Variants in ADAMTSL3 observed in about 807,000 individuals in gnomAD.
ADAMTSL3 encodes ADAMTS-like protein 3.
In ADAMTSL3, 128 loss-of-function variants were observed where a neutral mutation model predicts 201.7. The observed-to-expected ratio is 0.63, with a 90% CI of 0.55 to 0.73. The LOEUF is 0.73. Ranked by LOEUF, ADAMTSL3 falls within the 30% of genes least tolerant of loss-of-function variation. The pLI, the probability that ADAMTSL3 is intolerant of heterozygous loss-of-function variation, is 0.00. For missense variants in ADAMTSL3, 1,990 were observed against 2,119.6 expected (o/e 0.94, Z 1.20); for synonymous variants, 738 against 748.4 (o/e 0.99, Z 0.23).
intron 13 of ADAMTSL3, among the ~76,000 whole-genome samples, chr15:83,896,611 A>T (rs1190119592): frequency 6.6e-6 from 1 of 152,176 alleles, no homozygotes; most frequent in African/African-American, 2.4e-5. Context: ...ATAGGGGGAA[A>T]AAGGGGTGAA....
intron 2 of ADAMTSL3, among the ~76,000 whole-genome samples, chr15:83,669,955 T>C (rs907593103): frequency 3.3e-5 from 5 of 151,778 alleles, no homozygotes; most frequent in African/African-American, 1.2e-4. Context: ...CTTCATGAAA[T>C]AGTTGTTTAT....
At chr15:83,674,555 AT>A (rs934301657) in intron 2 of ADAMTSL3, among the ~76,000 whole-genome samples, 21 of 151,306 alleles carry the variant, frequency 1.4e-4, no homozygotes, top group Admixed American at 4.6e-4. Context: ...CCTCTTTATT[AT>A]TCTTTATCAA....
intron 19 of ADAMTSL3, among the ~76,000 whole-genome samples, chr15:83,946,215 G>C (rs966857706): frequency 2.6e-5 from 4 of 152,232 alleles, no homozygotes; most frequent in Non-Finnish European, 4.4e-5. Context: ...TGGTGTCTTA[G>C]AGTGGAGGCT....
chr15:83,690,366 C>G (rs963267590), intron 2 of ADAMTSL3, among the ~76,000 whole-genome samples: 1 of 152,136 alleles, frequency 6.6e-6, no homozygotes, highest in African/African-American at 2.4e-5. Flanking sequence ...CAACTTCCCC[C>G]ACATTCTGAA....
At position 83,942,918 on chromosome 15, in the gene ADAMTSL3, G is replaced by A. The variant is rs766404624; in HGVS notation, c.2326G>A (p.Gly776Ser). 1 of 1,598,960 alleles carries A rather than the reference G, an allele frequency of 6.3e-7. No homozygotes were observed. Among genetic ancestry groups the A allele is most frequent in the Admixed American group, 1.7e-5 (1 of 59,280 alleles). Residue 776 changes from glycine to serine, a missense_variant, in exon 19 of 30, where the codon GGC becomes AGC. Gly to Ser is a moderately conservative substitution (Grantham distance 56). Coordinates refer to ENST00000286744, the MANE Select transcript of ADAMTSL3 (RefSeq NM_207517.3). ...EEWQQCSRTCGGGTQNRRVTC... is the reference protein window; with the variant it reads ...EEWQQCSRTCSGGTQNRRVTC... ...GTCTTCTTAGTGTTCCAGGACTTGTGGCGGGGGAACTCAGAACAGAAGAGT... is the reference window on the plus strand; with the variant it reads ...GTCTTCTTAGTGTTCCAGGACTTGTAGCGGGGGAACTCAGAACAGAAGAGT...
chr15:83,674,634 T>TATATACACACATATAC lies in ADAMTSL3; in HGVS notation c.69+18814_69+18829dup, dbSNP rs2061369464. 3.3e-5 allele frequency among the ~76,000 whole-genome samples: 5 copies of TATATACACACATATAC among 149,774 alleles called. No individual in the cohort carries two copies. The South Asian group carries it at 1.1e-3, about 32-fold the overall frequency. Reference sequence around the variant, plus strand: ...TTTTGCTTGTCTATATATAAACATATATATACACACATATACATATACACA... The same window carrying TATATACACACATATAC: ...TTTTGCTTGTCTATATATAAACATATATATACACACATATACATATACACACATATACATATACACA... On this transcript the variant is annotated intron_variant, in intron 2 of 29. Coordinates refer to ENST00000286744, the MANE Select transcript of ADAMTSL3 (RefSeq NM_207517.3).
At chr15:83,973,239 C>A (rs2067227619) in intron 20 of ADAMTSL3, among the ~76,000 whole-genome samples, 2 of 152,148 alleles carry the variant, frequency 1.3e-5, no homozygotes, top group Admixed American at 1.3e-4. Flanking sequence ...TCTTGTTCTG[C>A]CTTACCCTCA....
At chr15:83,981,781 T>C (rs2067388589) in intron 20 of ADAMTSL3, among the ~76,000 whole-genome samples, 1 of 152,188 alleles carries the variant, frequency 6.6e-6, no homozygotes, top group African/African-American at 2.4e-5. Context: ...ATTCCCACTC[T>C]CACTTCCTCC....
intron 10 of ADAMTSL3, among the ~76,000 whole-genome samples, chr15:83,885,892 T>C (rs914117227): frequency 1.3e-5 from 2 of 152,134 alleles, no homozygotes; most frequent in Admixed American, 6.5e-5. Context: ...GCCTGGCTAA[T>C]TTTTGTATTT....
intron 25 of ADAMTSL3, among the ~76,000 whole-genome samples, chr15:84,019,751 G>A (rs1290036932): frequency 2.6e-5 from 4 of 151,828 alleles, no homozygotes; most frequent in African/African-American, 9.7e-5. Flanking sequence ...AATGAGCCCG[G>A]CGCGGTGGTG....
intron 19 of ADAMTSL3, among the ~76,000 whole-genome samples, chr15:83,968,571 AAATT>A (rs1212532315): frequency 6.6e-6 from 1 of 152,246 alleles, no homozygotes; most frequent in Non-Finnish European, 1.5e-5. Context: ...GTGGGAGTGT[AAATT>A]AGTTCAACCA....
chr15:83,925,386 T>A (rs1031768482), intron 17 of ADAMTSL3, among the ~76,000 whole-genome samples: 2 of 152,224 alleles, frequency 1.3e-5, no homozygotes, highest in Non-Finnish European at 2.9e-5. Flanking sequence ...TAGAGCCATC[T>A]GGCTGTGCGT....
chr15:83,897,750 T>C (rs2065645891), intron 13 of ADAMTSL3, 108 bp from the exon 14 acceptor site: 1 of 1,270,544 alleles, frequency 7.9e-7, no homozygotes, highest in African/African-American at 1.5e-5. Context: ...AAAAGTCTTT[T>C]GTGTTTAACA....
At chr15:83,848,801 T>C (rs915326821) in intron 7 of ADAMTSL3, among the ~76,000 whole-genome samples, 2 of 152,234 alleles carry the variant, frequency 1.3e-5, no homozygotes, top group African/African-American at 4.8e-5. Flanking sequence ...GCATGTTGCC[T>C]GGTGGCAGAG....
chr15:83,956,661 C>A (rs1319825418), intron 19 of ADAMTSL3, among the ~76,000 whole-genome samples: 1 of 149,772 alleles, frequency 6.7e-6, no homozygotes. Flanking sequence ...TTTTAAGTTA[C>A]ACACACACAC....
chr15:83,976,177 C>A (rs1266604985), intron 20 of ADAMTSL3, among the ~76,000 whole-genome samples: 1 of 152,094 alleles, frequency 6.6e-6, no homozygotes, highest in African/African-American at 2.4e-5. Context: ...AGGTAGCTAT[C>A]ATTTGTTGTG....
chr15:84,021,383 G>C (rs2068202414), intron 25 of ADAMTSL3, 27 bp from the exon 26 acceptor site: 1 of 1,612,728 alleles, frequency 6.2e-7, no homozygotes, highest in Admixed American at 1.7e-5. Context: ...TTTGGGGCTG[G>C]CATGATATTT....
intron 3 of ADAMTSL3, among the ~76,000 whole-genome samples, chr15:83,766,619 C>T (rs2062896273): frequency 1.3e-5 from 2 of 152,106 alleles, no homozygotes; most frequent in Admixed American, 1.3e-4. Flanking sequence ...GACTGGATTC[C>T]TGGTCGTGAA....
intron 2 of ADAMTSL3, among the ~76,000 whole-genome samples, chr15:83,674,658 C>CACATATATACATATATACACAT (rs2061370658): frequency 1.2e-5 from 1 of 84,518 alleles, no homozygotes; most frequent in Non-Finnish European, 2.5e-5. Context: ...TACATATACA[C>CACATATATACATATATACACAT]ATATATACAT....
Sources: allele counts gnomAD v4.1 joint callset (sites outside exome capture counted in the v4.1 genomes callset), GRCh38; gene constraint gnomAD v4.1.1; transcripts MANE v1.5; gene names NCBI Gene and HGNC (gene_info 2026-07-23, HGNC 2026-07-21).